LIMD1: variants seen among roughly 807,000 people sequenced by gnomAD.
The protein encoded by LIMD1 is LIM domain-containing protein 1.
LIMD1 carries 23 observed loss-of-function variants against 58.4 expected under a neutral mutation model. That is an observed-to-expected ratio of 0.39 (90% confidence interval 0.28 to 0.56). The LOEUF (loss-of-function observed/expected upper bound fraction) is 0.56, where lower values mean the gene tolerates loss of function less well. Among genes scored for constraint, LIMD1 ranks in the 20% least tolerant of loss-of-function variants. LIMD1 has a pLI of 0.57. For synonymous variants in LIMD1, 334 were observed against 345.5 expected, an observed-to-expected ratio of 0.97 and a Z score of 0.37; for missense variants, 838 against 855.5, an observed-to-expected ratio of 0.98 and a Z score of 0.25.
intron 1 of LIMD1, among the ~76,000 whole-genome samples, chr3:45,627,134 C>T (rs564915957): frequency 1.3e-5 from 2 of 152,244 alleles, no homozygotes; most frequent in South Asian, 4.1e-4. Context: ...CCACATTTCT[C>T]TGTGCGTAGG....
intron 1 of LIMD1, among the ~76,000 whole-genome samples, chr3:45,622,048 C>T (rs954389380): frequency 2.1e-5 from 3 of 146,174 alleles, no homozygotes; most frequent in African/African-American, 5.1e-5. Context: ...GGCGACAGAG[C>T]GAGACTCCAT....
At chr3:45,671,802 A>C (rs1303325213) in intron 4 of LIMD1, among the ~76,000 whole-genome samples, 1 of 152,224 alleles carries the variant, frequency 6.6e-6, no homozygotes, top group African/African-American at 2.4e-5. Flanking sequence ...GGGGCCACAC[A>C]CATTTCGAGG....
chr3:45,667,223 C>G (rs1697532107), intron 3 of LIMD1, among the ~76,000 whole-genome samples: 1 of 152,188 alleles, frequency 6.6e-6, no homozygotes, highest in African/African-American at 2.4e-5. Flanking sequence ...TACTGGGCCA[C>G]ATGCCCACGC....
rs188314598 is a variant in LIMD1 at position 45,620,819 on chromosome 3, C to T, written c.1409-15331C>T. Among the ~76,000 whole-genome samples, 10 of 152,284 alleles carry T rather than the reference C, an allele frequency of 6.6e-5. No individual in the cohort carries two copies. The East Asian group carries it at 1.3e-3, about 21-fold the overall frequency. On this transcript the variant is annotated intron_variant, in intron 1 of 7. Coordinates refer to ENST00000273317, the MANE Select transcript of LIMD1 (RefSeq NM_014240.3). ...CAAATATTTCTTCATAAAGCTCTTG[C>T]GCTAATTCCAAAGAGAAAAAGAGTA...
chr3:45,630,885 G>A (rs1345827673), intron 1 of LIMD1, among the ~76,000 whole-genome samples: 1 of 152,170 alleles, frequency 6.6e-6, no homozygotes, highest in Non-Finnish European at 1.5e-5. Context: ...GACAGGAGAT[G>A]GCAGCAGCTC....
In LIMD1 at chr3:45,673,511, A is replaced by G; in HGVS notation, c.1824+6A>G. On this transcript the variant is annotated splice_donor_region_variant and intron_variant, in intron 6 of 7. Transcript: ENST00000273317. Reference sequence around the variant, plus strand: ...TTCCCATCCTTCCACCTGAGGTAAGATGCCCTTCCAGACATGCTCCCAGGG... The same window carrying G: ...TTCCCATCCTTCCACCTGAGGTAAGGTGCCCTTCCAGACATGCTCCCAGGG... The G allele has an allele frequency of 6.2e-7, 1 of 1,612,274 alleles. No homozygotes were observed. Among genetic ancestry groups the G allele is most frequent in the Non-Finnish European group, 8.5e-7 (1 of 1,178,318 alleles).
At chr3:45,672,407 G>T (rs1288457852) in intron 4 of LIMD1, among the ~76,000 whole-genome samples, 1 of 152,070 alleles carries the variant, frequency 6.6e-6, no homozygotes, top group Non-Finnish European at 1.5e-5. Context: ...AGAGTTTCCT[G>T]TTCTGGGTGA....
chr3:45,636,345 T>G, intron 2 of LIMD1, 94 bp downstream of exon 2: 2 of 968,732 alleles, frequency 2.1e-6, no homozygotes, highest in South Asian at 3.4e-5. Flanking sequence ...CTGGAGACGG[T>G]TGGTCCATGG....
rs974150995 is a variant in LIMD1, at chr3:45,667,343, G to A, written c.1579-951G>A. ...CAGCCCACATGGTGATGGGAGCCAC[G>A]TGGTGTGGAGCTGGGGGCTGGATCT... On this transcript the variant is annotated intron_variant, in intron 3 of 7. Transcript: ENST00000273317. Among the ~76,000 whole-genome samples the A allele has an allele frequency of 4.6e-5, 7 of 152,330 alleles. No individual in the cohort carries two copies. In the East Asian group the frequency reaches 5.8e-4, roughly 13 times the overall value.
At chr3:45,673,555 T>C in intron 6 of LIMD1, 50 bp downstream of exon 6, 1 of 1,375,582 alleles carries the variant, frequency 7.3e-7, no homozygotes, top group Non-Finnish European at 1.0e-6. Flanking sequence ...GACATGAATA[T>C]CTCCCTGGGC....
At chr3:45,599,700 G>A (rs1044273566) in intron 1 of LIMD1, among the ~76,000 whole-genome samples, 1 of 152,214 alleles carries the variant, frequency 6.6e-6, no homozygotes, top group Non-Finnish European at 1.5e-5. Flanking sequence ...CCTTTGGAAT[G>A]TACCCACCTA....
chr3:45,673,246 G>A (rs1877930), intron 5 of LIMD1, among the ~76,000 whole-genome samples: 1 of 152,152 alleles, frequency 6.6e-6, no homozygotes, highest in Non-Finnish European at 1.5e-5. Context: ...AGAAGAGTGA[G>A]AGGCAGCCAG....
At chr3:45,621,008 A>G (rs1701624343) in intron 1 of LIMD1, among the ~76,000 whole-genome samples, 1 of 152,146 alleles carries the variant, frequency 6.6e-6, no homozygotes, top group Non-Finnish European at 1.5e-5. Flanking sequence ...AAAAATGCAT[A>G]TCCTCAGTCT....
At chr3:45,604,259 G>A (rs1701446630) in intron 1 of LIMD1, among the ~76,000 whole-genome samples, 1 of 152,120 alleles carries the variant, frequency 6.6e-6, no homozygotes, top group Non-Finnish European at 1.5e-5. Context: ...TGACTCCTGT[G>A]TGGTCAGTGG....
chr3:45,607,461 G>A (rs1218790957), intron 1 of LIMD1, among the ~76,000 whole-genome samples: 2 of 152,130 alleles, frequency 1.3e-5, no homozygotes, highest in African/African-American at 4.8e-5. Context: ...CCCGGGGAGT[G>A]AGGATGGGTT....
intron 2 of LIMD1, among the ~76,000 whole-genome samples, chr3:45,650,634 A>G (rs1701958809): frequency 6.6e-6 from 1 of 151,940 alleles, no homozygotes; most frequent in East Asian, 1.9e-4. Flanking sequence ...GATGGTTTCC[A>G]GCTTCATCCA....
chr3:45,674,261 C>T, intron 6 of LIMD1, 82 bp from the exon 7 acceptor site: 1 of 1,037,376 alleles, frequency 9.6e-7, no homozygotes, highest in South Asian at 1.3e-5. Context: ...AACCCTCTTC[C>T]CTCCCCACCC....
At chr3:45,663,755 GAC>G (rs905496589) in intron 2 of LIMD1, among the ~76,000 whole-genome samples, 3 of 151,752 alleles carry the variant, frequency 2.0e-5, no homozygotes, top group African/African-American at 7.3e-5. Flanking sequence ...TTATTTTTGA[GAC>G]AGAGTCTTGC....
intron 1 of LIMD1, chr3:45,632,660 C>A: frequency 1.9e-6 from 1 of 515,892 alleles, no homozygotes; most frequent in Non-Finnish European, 2.5e-6. Context: ...TAAGACATGG[C>A]CCTTATTCTG....
Sources: allele counts gnomAD v4.1 joint callset (sites outside exome capture counted in the v4.1 genomes callset), GRCh38; gene constraint gnomAD v4.1.1; transcripts MANE v1.5; gene names NCBI Gene and HGNC (gene_info 2026-07-23, HGNC 2026-07-21).